Variants in CTNNA3 observed in about 807,000 individuals in gnomAD.
The protein encoded by CTNNA3 is catenin alpha-3.
In CTNNA3, 76 loss-of-function variants were observed where a neutral mutation model predicts 95.7. That is an observed-to-expected ratio of 0.79 (90% CI 0.66 to 0.96). The LOEUF (loss-of-function observed/expected upper bound fraction) is 0.96. Among genes scored for constraint, CTNNA3 ranks in the 40% least tolerant of loss-of-function variants. The probability of loss-of-function intolerance (pLI) is 0.00; values close to 1 mark genes in which losing one functional copy is unlikely to be tolerated. For synonymous variants in CTNNA3, 431 were observed against 374.4 expected (o/e 1.15, Z -1.74); for missense variants, 1,191 against 1,089.8 (o/e 1.09, Z -1.31).
chr10:67,680,316 T>G (rs1326036194), intron 1 of CTNNA3, among the ~76,000 whole-genome samples: 3 of 152,198 alleles, frequency 2.0e-5, no homozygotes, highest in Non-Finnish European at 4.4e-5. Context: ...TTTAACAATT[T>G]GTATGCCTCA....
At chr10:66,085,292 G>C (rs1050084685) in intron 14 of CTNNA3, among the ~76,000 whole-genome samples, 1 of 152,046 alleles carries the variant, frequency 6.6e-6, no homozygotes, top group Non-Finnish European at 1.5e-5. Flanking sequence ...AGAGAAGATG[G>C]ATAAAGTGAT....
chr10:67,617,998 G>C (rs967140864), intron 2 of CTNNA3, among the ~76,000 whole-genome samples: 7 of 151,938 alleles, frequency 4.6e-5, no homozygotes, highest in African/African-American at 1.7e-4. Context: ...TTCAAAAAAT[G>C]AGAAGAAAAA....
rs187269654 is a variant in CTNNA3, at chr10:67,131,525, A to G, written c.1047+48792T>C. Among the ~76,000 whole-genome samples the G allele has an allele frequency of 4.6e-5, 7 of 152,196 alleles. No homozygotes were observed. The East Asian group carries it at 1.4e-3, about 29-fold the overall frequency. On this transcript the variant is annotated intron_variant, in intron 7 of 17. Coordinates refer to ENST00000433211, the MANE Select transcript of CTNNA3 (RefSeq NM_013266.4). ...TCATTATGCCGGGTGTTGGTAGACC[A>G]TTGGTGAACAAAGGAGGCTTGGTTC...
chr10:66,587,656 G>A (rs189162347), intron 10 of CTNNA3, among the ~76,000 whole-genome samples: 6 of 152,244 alleles, frequency 3.9e-5, no homozygotes, highest in African/African-American at 7.2e-5. Flanking sequence ...AGAAGAATCC[G>A]CATGGGATGC....
At chr10:66,464,099 A>G (rs953025656) in intron 11 of CTNNA3, among the ~76,000 whole-genome samples, 4 of 152,108 alleles carry the variant, frequency 2.6e-5, no homozygotes, top group Non-Finnish European at 2.9e-5. Flanking sequence ...GAGTTACGGG[A>G]AAGGGAAAGT....
chr10:67,519,292 T>C lies in CTNNA3; in HGVS notation c.579+2550A>G, dbSNP rs549150743. Among the ~76,000 whole-genome samples the C allele has an allele frequency of 3.9e-5, 6 of 152,232 alleles. No individual in the cohort carries two copies. In the South Asian group the frequency reaches 8.3e-4, roughly 21 times the overall value. On this transcript the variant is annotated intron_variant, in intron 5 of 17. Transcript: ENST00000433211. Reference sequence around the variant, plus strand: ...GAAGGGGACAGAAAATAAAACCTAATGGATGACTCCAATAAAATAATTATA... The same window carrying C: ...GAAGGGGACAGAAAATAAAACCTAACGGATGACTCCAATAAAATAATTATA...
chr10:67,652,322 A>G (rs1452676815), intron 1 of CTNNA3, among the ~76,000 whole-genome samples: 1 of 152,152 alleles, frequency 6.6e-6, no homozygotes, highest in Admixed American at 6.5e-5. Flanking sequence ...ACTCCAGAGC[A>G]CTCTGCTTTC....
intron 16 of CTNNA3, among the ~76,000 whole-genome samples, chr10:65,974,598 AG>A (rs762845762): frequency 5.9e-5 from 9 of 152,240 alleles, no homozygotes; most frequent in South Asian, 4.2e-4. Flanking sequence ...TAGACAGGGG[AG>A]GGAGGAAGGG....
chr10:66,142,737 C>G (rs1392582022), intron 13 of CTNNA3, among the ~76,000 whole-genome samples: 4 of 152,050 alleles, frequency 2.6e-5, no homozygotes, highest in African/African-American at 9.7e-5. Flanking sequence ...GAATTAGAGA[C>G]CTCACCACAA....
At chr10:66,552,046 G>A (rs1426212882) in intron 10 of CTNNA3, among the ~76,000 whole-genome samples, 2 of 151,834 alleles carry the variant, frequency 1.3e-5, no homozygotes, top group Non-Finnish European at 2.9e-5. Context: ...TGGGATTACA[G>A]GCGTGTGCCA....
chr10:66,439,000 G>A (rs1033553914), intron 11 of CTNNA3, among the ~76,000 whole-genome samples: 5 of 152,094 alleles, frequency 3.3e-5, no homozygotes, highest in East Asian at 3.9e-4. Context: ...ACCCTGCTTC[G>A]GGTCACCCTC....
At chr10:67,272,344 G>C (rs1392448726) in intron 5 of CTNNA3, among the ~76,000 whole-genome samples, 1 of 152,038 alleles carries the variant, frequency 6.6e-6, no homozygotes, top group Non-Finnish European at 1.5e-5. Flanking sequence ...TTGAGCCTAG[G>C]AGTTCAAGAC....
At chr10:67,187,686 G>C (rs535663273) in intron 6 of CTNNA3, among the ~76,000 whole-genome samples, 7 of 151,970 alleles carry the variant, frequency 4.6e-5, no homozygotes, top group African/African-American at 1.7e-4. Context: ...CCCCAACTCA[G>C]GTGATCTTCC....
chr10:67,249,110 T>TA (rs201919557), intron 5 of CTNNA3, among the ~76,000 whole-genome samples: 4,278 of 152,248 alleles, frequency 0.028, 88 homozygotes, highest in Non-Finnish European at 0.04. Context: ...TCATGAAAAC[T>TA]AAAAAATTTT....
intron 5 of CTNNA3, among the ~76,000 whole-genome samples, chr10:67,498,268 C>T (rs1839101396): frequency 6.6e-6 from 1 of 152,036 alleles, no homozygotes; most frequent in South Asian, 2.1e-4. Context: ...ATTTCTAAGG[C>T]CTCTGTTCTG....
chr10:66,792,158 T>G (rs566709853), intron 7 of CTNNA3, among the ~76,000 whole-genome samples: 1 of 152,302 alleles, frequency 6.6e-6, no homozygotes. Context: ...ACATTTACCT[T>G]GTAAAAGAAT....
rs560953851 is a variant in CTNNA3 at position 65,977,568 on chromosome 10, G to A, written c.2266-10822C>T. On this transcript the variant is annotated intron_variant, in intron 16 of 17. Transcript: ENST00000433211. ...GGCTGAGGCAGGCAGATGACCTGAGGTCAGGAGTTCGAGACCAGCCTGGTC... is the reference window on the plus strand; with the variant it reads ...GGCTGAGGCAGGCAGATGACCTGAGATCAGGAGTTCGAGACCAGCCTGGTC... Among the ~76,000 whole-genome samples the A allele has an allele frequency of 3.8e-4, 58 of 152,158 alleles. No individual in the cohort carries two copies. The South Asian group carries it at 5.6e-3, about 15-fold the overall frequency.
chr10:67,298,781 A>C (rs901127616), intron 5 of CTNNA3, among the ~76,000 whole-genome samples: 1 of 152,238 alleles, frequency 6.6e-6, no homozygotes, highest in African/African-American at 2.4e-5. Context: ...AATGTTGCAC[A>C]ACTGGAACTA....
At chr10:66,823,621 CTTAA>C (rs910972839) in intron 7 of CTNNA3, among the ~76,000 whole-genome samples, 17 of 152,210 alleles carry the variant, frequency 1.1e-4, no homozygotes, top group African/African-American at 4.1e-4. Context: ...CCAGTTTTTT[CTTAA>C]TTAGTTTATC....
Sources: allele counts gnomAD v4.1 joint callset (sites outside exome capture counted in the v4.1 genomes callset), GRCh38; gene constraint gnomAD v4.1.1; transcripts MANE v1.5; gene names NCBI Gene and HGNC (gene_info 2026-07-23, HGNC 2026-07-21).